Variants in TSPEAR observed in about 807,000 individuals in gnomAD.
TSPEAR encodes thrombospondin type laminin G domain and EAR repeats.
In TSPEAR, 69 loss-of-function variants were observed where a neutral mutation model predicts 71.6. That is an observed-to-expected ratio of 0.96 (90% confidence interval 0.79 to 1.18). TSPEAR has a LOEUF of 1.18. Among genes scored for constraint, TSPEAR ranks in the 50% most tolerant of loss-of-function variants. TSPEAR has a pLI of 0.00. For missense variants in TSPEAR, 971 were observed against 894.9 expected (o/e 1.09, Z -1.09); for synonymous variants, 402 against 387.2 (o/e 1.04, Z -0.45).
At position 44,546,231 on chromosome 21, in the gene TSPEAR, A is replaced by C. The variant is rs2053301582; in HGVS notation, c.304-12308T>G. On this transcript the variant is annotated intron_variant, in intron 2 of 11. Transcript: ENST00000323084. The surrounding 1 kb of genome is among the most constrained non-coding windows in gnomAD (Gnocchi z 4.4). The stretch of plus-strand genomic sequence containing the variant: ...CTACCGACATGGCTACCTTTCCTTC[A>C]TATGGCTCCAGGTTACTGTCTAGTG... 6.6e-6 allele frequency among the ~76,000 whole-genome samples: 1 copy of C among 152,362 alleles called. No individual in the cohort carries two copies. Among genetic ancestry groups the C allele is most frequent in the African/African-American group, 2.4e-5 (1 of 41,596 alleles).
At chr21:44,682,100 C>T (rs7283084) in intron 1 of TSPEAR, 260,904 of 1,613,588 alleles carry the variant, frequency 0.16, 21,661 homozygotes, top group Middle Eastern at 0.17. Flanking sequence ...GCTGGCAGCC[C>T]GAGGAGCAGC....
intron 1 of TSPEAR, among the ~76,000 whole-genome samples, chr21:44,694,979 T>TA (rs1987270311): frequency 2.0e-5 from 3 of 152,188 alleles, no homozygotes; most frequent in African/African-American, 7.2e-5. Context: ...CCCCTGGACT[T>TA]GCCCCAAGGG....
intron 1 of TSPEAR, among the ~76,000 whole-genome samples, chr21:44,670,500 G>A (rs1275074983): frequency 6.6e-6 from 1 of 152,190 alleles, no homozygotes; most frequent in Non-Finnish European, 1.5e-5. Flanking sequence ...GGAGGCAGCT[G>A]GCCCAGCTAG....
intron 1 of TSPEAR, chr21:44,658,239 C>T: frequency 6.2e-7 from 1 of 1,614,054 alleles, no homozygotes; most frequent in Non-Finnish European, 8.5e-7. Context: ...CTCTGCAGAC[C>T]CATCTCCTGC....
At chr21:44,523,893 T>A (rs2145966028) in intron 8 of TSPEAR, among the ~76,000 whole-genome samples, 1 of 150,078 alleles carries the variant, frequency 6.7e-6, no homozygotes, top group South Asian at 2.1e-4. Flanking sequence ...TGAGTCAGGT[T>A]ATTAATCAGT....
rs587742364 is a variant in TSPEAR at position 44,612,245 on chromosome 21, A to G, written c.83-44240T>C. ...CTGGCAGGTGGACAATTGCCAGGAA[A>G]GCTGCTGCGAGCCCCGCTCCTGTGC... On this transcript the variant is annotated intron_variant, in intron 1 of 11. Transcript: ENST00000323084. The surrounding 1 kb of genome is among the most constrained non-coding windows in gnomAD (Gnocchi z 4.1). 26 of 1,613,662 alleles carry G rather than the reference A, an allele frequency of 1.6e-5. No individual in the cohort carries two copies. In the South Asian group the frequency reaches 2.7e-4, roughly 17 times the overall value.
chr21:44,652,563 A>G (rs1169947612), intron 1 of TSPEAR, among the ~76,000 whole-genome samples: 1 of 152,134 alleles, frequency 6.6e-6, no homozygotes, highest in Non-Finnish European at 1.5e-5. Flanking sequence ...GAGACTTTTT[A>G]TGTCTTACGA....
At chr21:44,552,590 C>G (rs1435984467) in intron 2 of TSPEAR, among the ~76,000 whole-genome samples, 1 of 152,162 alleles carries the variant, frequency 6.6e-6, no homozygotes. Flanking sequence ...CCTACAGGGC[C>G]AGTCAAAGCA....
In TSPEAR at chr21:44,642,596, C is replaced by A. The variant is rs1555938749; in HGVS notation, c.82+68837G>T. Among the ~76,000 whole-genome samples, 1 of 152,200 alleles carries A rather than the reference C, an allele frequency of 6.6e-6. No homozygotes were observed. The highest frequency in any genetic ancestry group is 2.4e-5 in the African/African-American group (1 of 41,438). On this transcript the variant is annotated intron_variant, in intron 1 of 11. Coordinates refer to ENST00000323084, the MANE Select transcript of TSPEAR (RefSeq NM_144991.3). This position sits in a 1 kb window ranked among gnomAD's most constrained non-coding sequence, Gnocchi z 4.1. ...CAGTGGCTCATGCCTGTAATCCCAG[C>A]ACTTTGAGAGGCCGAGGCAGGCAGA... is the stretch of plus-strand genomic sequence containing the variant.
intron 1 of TSPEAR, among the ~76,000 whole-genome samples, chr21:44,673,629 G>T (rs909232913): frequency 6.6e-6 from 1 of 152,126 alleles, no homozygotes; most frequent in Non-Finnish European, 1.5e-5. Context: ...GGCATTTAAA[G>T]AACATTTCAT....
intron 1 of TSPEAR, among the ~76,000 whole-genome samples, chr21:44,632,578 G>A (rs965384281): frequency 3.3e-5 from 5 of 152,264 alleles, no homozygotes; most frequent in Admixed American, 2.0e-4. Context: ...GCTCACGCCT[G>A]TAATCCCAGC....
In TSPEAR at chr21:44,600,083, C is replaced by T. The variant is rs1313154073; in HGVS notation, c.83-32078G>A. On this transcript the variant is annotated intron_variant, in intron 1 of 11. Coordinates refer to ENST00000323084, the MANE Select transcript of TSPEAR (RefSeq NM_144991.3). ...CCCGTTTGCCACTTGCTCTAAAGCCCTTGGGGGGACTTTATGCACCAGAGA... is the reference window on the plus strand; with the variant it reads ...CCCGTTTGCCACTTGCTCTAAAGCCTTTGGGGGGACTTTATGCACCAGAGA... Among the ~76,000 whole-genome samples, 12 of 152,286 alleles carry T rather than the reference C, an allele frequency of 7.9e-5. No individual in the cohort carries two copies. In the East Asian group the frequency reaches 2.1e-3, roughly 27 times the overall value.
rs1181756392 is a variant in TSPEAR at position 44,642,038 on chromosome 21, C to T, written c.82+69395G>A. On this transcript the variant is annotated intron_variant, in intron 1 of 11. Transcript: ENST00000323084. The surrounding 1 kb of genome is among the most constrained non-coding windows in gnomAD (Gnocchi z 4.1). ...ATAAAGTCTAATAAAAATAAGCAGA[C>T]ATGAAAGATGGAAAAAGAAGTATGC... is the stretch of plus-strand genomic sequence containing the variant. Among the ~76,000 whole-genome samples the T allele has an allele frequency of 6.6e-6, 1 of 152,020 alleles. No homozygotes were observed. Among genetic ancestry groups the T allele is most frequent in the African/African-American group, 2.4e-5 (1 of 41,380 alleles).
chr21:44,593,287 C>G lies in TSPEAR; in HGVS notation c.83-25282G>C, dbSNP rs75990719. Among the ~76,000 whole-genome samples, 2 of 152,246 alleles carry G rather than the reference C, an allele frequency of 1.3e-5. No homozygotes were observed. Among genetic ancestry groups the G allele is most frequent in the East Asian group, 1.9e-4 (1 of 5,188 alleles). ...GGCTCCTCTGTGTGCTCTGCTTCTC[C>G]GAGGCTGCCCGTCAGCCCCCACCCA... On this transcript the variant is annotated intron_variant, in intron 1 of 11. Transcript: ENST00000323084. This position sits in a 1 kb window ranked among gnomAD's most constrained non-coding sequence, Gnocchi z 5.9.
intron 1 of TSPEAR, among the ~76,000 whole-genome samples, chr21:44,640,255 C>A (rs1555938266): frequency 6.6e-6 from 1 of 152,216 alleles, no homozygotes; most frequent in African/African-American, 2.4e-5. Context: ...ACACAGGCTA[C>A]AACATGCATG....
At chr21:44,592,464 G>A (rs201582050) in intron 1 of TSPEAR, 753 of 1,606,870 alleles carry the variant, frequency 4.7e-4, no homozygotes, top group Admixed American at 7.9e-4. Flanking sequence ...TGGAGCAGAC[G>A]GACATGGTGG....
At chr21:44,504,532 G>A (rs1302614254) in intron 11 of TSPEAR, among the ~76,000 whole-genome samples, 8 of 141,182 alleles carry the variant, frequency 5.7e-5, no homozygotes, top group Non-Finnish European at 9.2e-5. Context: ...GGCCGGCCTC[G>A]GTGAGCCCAC....
chr21:44,505,878 A>G (rs2052186955), intron 10 of TSPEAR, among the ~76,000 whole-genome samples: 1 of 152,068 alleles, frequency 6.6e-6, no homozygotes, highest in Admixed American at 6.6e-5. Context: ...CCGGGGTACA[A>G]AAGTCCACTT....
chr21:44,576,205 G>A (rs1978432724), intron 1 of TSPEAR, among the ~76,000 whole-genome samples: 1 of 152,254 alleles, frequency 6.6e-6, no homozygotes, highest in Non-Finnish European at 1.5e-5. Context: ...AGGTGGAGTT[G>A]TGAGGACAGA....
Sources: allele counts gnomAD v4.1 joint callset (sites outside exome capture counted in the v4.1 genomes callset), GRCh38; gene constraint gnomAD v4.1.1; non-coding constraint Gnocchi (gnomAD v3.1); transcripts MANE v1.5; gene names NCBI Gene and HGNC (gene_info 2026-07-23, HGNC 2026-07-21).